The following DIP2C variants were observed in gnomAD, a reference collection of about 807,000 sequenced individuals.
DIP2C encodes the protein DIP2 acetate--CoA ligase C (putative).
In DIP2C, 33 loss-of-function variants were observed where a neutral mutation model predicts 192.4. That is an observed-to-expected ratio of 0.17 (90% CI 0.13 to 0.23). The LOEUF (loss-of-function observed/expected upper bound fraction) is 0.23, where lower values mean the gene tolerates loss of function less well. Among genes scored for constraint, DIP2C ranks in the 10% least tolerant of loss-of-function variants. The probability of loss-of-function intolerance (pLI) is 1.00; values close to 1 mark genes in which losing one functional copy is unlikely to be tolerated. For missense variants in DIP2C, 1,537 were observed against 2,110.1 expected, an observed-to-expected ratio of 0.73 and a Z score of 5.32; for synonymous variants, 979 against 864.1, an observed-to-expected ratio of 1.13 and a Z score of -2.33.
chr10:369,435 A>G lies in DIP2C; in HGVS notation c.2131+59T>C, dbSNP rs556387609. 8 of 1,473,928 alleles carry G rather than the reference A, an allele frequency of 5.4e-6. No individual in the cohort carries two copies. In the African/African-American group the frequency reaches 1.1e-4, roughly 21 times the overall value. The allele number at this position is 1,473,928 out of a possible 1,614,324, so 91.3% of individuals were successfully genotyped here. On this transcript the variant is annotated intron_variant, in intron 18 of 36. Coordinates refer to ENST00000280886, the MANE Select transcript of DIP2C (RefSeq NM_014974.3). ...ACGTGGGAACGCAGGCTTTGGTGAC[A>G]TGTGTTAGAAAAGCATTTAATAACT...
intron 3 of DIP2C, among the ~76,000 whole-genome samples, chr10:456,407 G>T (rs1215252808): frequency 2.0e-5 from 3 of 146,516 alleles, no homozygotes; most frequent in African/African-American, 8.0e-5. Context: ...CCTGAGGGGA[G>T]GCTGTGAGGA....
intron 28 of DIP2C, among the ~76,000 whole-genome samples, chr10:342,390 C>T (rs1958196809): frequency 6.6e-6 from 1 of 152,164 alleles, no homozygotes. Context: ...GATCTCCTGA[C>T]CTCGTGATCC....
intron 2 of DIP2C, among the ~76,000 whole-genome samples, chr10:483,465 G>T (rs558176009): frequency 2.0e-5 from 3 of 152,352 alleles, no homozygotes; most frequent in Admixed American, 6.5e-5. Flanking sequence ...AATGAAGGTC[G>T]GCAGGGAAAC....
intron 1 of DIP2C, among the ~76,000 whole-genome samples, chr10:566,924 A>C (rs1225279794): frequency 6.6e-6 from 1 of 152,188 alleles, no homozygotes. Flanking sequence ...TCCATACACC[A>C]TCAAATGCTG....
chr10:463,081 G>C (rs1036968157), intron 3 of DIP2C, among the ~76,000 whole-genome samples: 5 of 152,140 alleles, frequency 3.3e-5, no homozygotes. Context: ...GCAAAAACTG[G>C]AAGCATTACT....
At chr10:366,105 CAA>C (rs1450114211) in intron 19 of DIP2C, among the ~76,000 whole-genome samples, 168 bp downstream of exon 19, 7 of 151,820 alleles carry the variant, frequency 4.6e-5, no homozygotes, top group African/African-American at 1.7e-4. Flanking sequence ...GCTGATAAAA[CAA>C]ATTTATCAAA....
intron 3 of DIP2C, among the ~76,000 whole-genome samples, chr10:451,316 A>C (rs992763230): frequency 1.3e-5 from 2 of 152,202 alleles, no homozygotes; most frequent in African/African-American, 2.4e-5. Flanking sequence ...TCTACTTGGA[A>C]AGAGGACGTG....
chr10:460,581 G>T (rs1969689999), intron 3 of DIP2C, among the ~76,000 whole-genome samples: 1 of 152,094 alleles, frequency 6.6e-6, no homozygotes, highest in Admixed American at 6.6e-5. Context: ...TTTCTGGGCT[G>T]CTAAAATTCA....
chr10:640,613 G>A (rs1588656791), intron 1 of DIP2C, among the ~76,000 whole-genome samples: 1 of 151,600 alleles, frequency 6.6e-6, no homozygotes, highest in African/African-American at 2.4e-5. Context: ...GAGGGTGCGC[G>A]CGGGGAAGAA....
intron 32 of DIP2C, among the ~76,000 whole-genome samples, chr10:306,122 C>G (rs958291707): frequency 6.6e-6 from 1 of 151,974 alleles, no homozygotes; most frequent in Non-Finnish European, 1.5e-5. Context: ...TAAAATTGAA[C>G]AGTCACTTGC....
chr10:491,998 A>G lies in DIP2C; in HGVS notation c.86-5468T>C, dbSNP rs572214887. ...TCTCAAAATCCCGACCCCAGAAAAC[A>G]GGGGCAAGAGGAATCTCAAAATCCC... On this transcript the variant is annotated intron_variant, in intron 1 of 36. Coordinates refer to ENST00000280886, the MANE Select transcript of DIP2C (RefSeq NM_014974.3). 2.6e-5 allele frequency among the ~76,000 whole-genome samples: 4 copies of G among 152,044 alleles called. 1 individual carries two copies. In the South Asian group the frequency reaches 8.3e-4, roughly 32 times the overall value.
At position 652,323 on chromosome 10, in the gene DIP2C, G is replaced by A; in HGVS notation, c.85+37171C>T. On this transcript the variant is annotated intron_variant, in intron 1 of 36. Coordinates refer to ENST00000280886, the MANE Select transcript of DIP2C (RefSeq NM_014974.3). This position sits in a 1 kb window ranked among gnomAD's most constrained non-coding sequence, Gnocchi z 4.5. ...TCCTCGGCATCTTCCTCCATCGACA[G>A]CAGCCTGGGCTCACCTCCCAGCCCG... 4.8e-6 allele frequency: 1 copy of A among 206,208 alleles called. No individual in the cohort carries two copies. Among genetic ancestry groups the A allele is most frequent in the South Asian group, 5.9e-5 (1 of 16,858 alleles). The allele number at this position is 206,208 out of a possible 1,614,324, so 12.8% of individuals were successfully genotyped here. A position where few individuals can be genotyped will look rare whatever the true frequency, so the allele number is the denominator to read the frequency against.
intron 1 of DIP2C, among the ~76,000 whole-genome samples, chr10:585,277 C>T (rs1376931954): frequency 6.6e-6 from 1 of 152,214 alleles, no homozygotes; most frequent in Non-Finnish European, 1.5e-5. Context: ...CCTGGGACAC[C>T]AGCGGGCATC....
At chr10:573,640 G>A (rs1314038569) in intron 1 of DIP2C, among the ~76,000 whole-genome samples, 1 of 152,044 alleles carries the variant, frequency 6.6e-6, no homozygotes. Context: ...AAGCTCCCAG[G>A]CTCAAGCAAT....
At chr10:295,493 G>A (rs1292766264) in intron 32 of DIP2C, among the ~76,000 whole-genome samples, 4 of 148,412 alleles carry the variant, frequency 2.7e-5, no homozygotes, top group East Asian at 2.0e-4. Flanking sequence ...CCCGGGAGGC[G>A]GAGCTTGCAG....
intron 1 of DIP2C, among the ~76,000 whole-genome samples, chr10:593,082 G>T (rs543154328): frequency 6.6e-6 from 1 of 152,246 alleles, no homozygotes; most frequent in East Asian, 1.9e-4. Context: ...TAGTGGCCGG[G>T]AACGGTGGCT....
At chr10:419,829 T>A (rs1265802705) in intron 5 of DIP2C, among the ~76,000 whole-genome samples, 1 of 152,206 alleles carries the variant, frequency 6.6e-6, no homozygotes, top group Admixed American at 6.5e-5. Flanking sequence ...CCCTAATGTG[T>A]ACTAAGGATC....
intron 1 of DIP2C, among the ~76,000 whole-genome samples, chr10:533,971 A>G (rs1327553989): frequency 6.6e-6 from 1 of 151,328 alleles, no homozygotes; most frequent in Non-Finnish European, 1.5e-5. Flanking sequence ...ACTTTAGTAA[A>G]GGCTGAAGGA....
intron 29 of DIP2C, chr10:340,614 C>A: frequency 2.7e-6 from 1 of 368,276 alleles, no homozygotes. Context: ...CTACAATGAA[C>A]ATGTATGTAT....
Sources: allele counts gnomAD v4.1 joint callset (sites outside exome capture counted in the v4.1 genomes callset), GRCh38; gene constraint gnomAD v4.1.1; non-coding constraint Gnocchi (gnomAD v3.1); transcripts MANE v1.5; gene names NCBI Gene and HGNC (gene_info 2026-07-23, HGNC 2026-07-21).